The following ACOT11 variants were observed in gnomAD, a reference collection of about 807,000 sequenced individuals.
ACOT11 encodes acyl-coenzyme A thioesterase 11.
A neutral mutation model predicts 77.5 loss-of-function variants in ACOT11; 69 were observed. That is an observed-to-expected ratio of 0.89 (90% CI 0.73 to 1.09). The LOEUF (loss-of-function observed/expected upper bound fraction) is 1.09. Among genes scored for constraint, ACOT11 ranks in the 50% least tolerant of loss-of-function variants. The probability of loss-of-function intolerance (pLI) is 0.00; values close to 1 mark genes in which losing one functional copy is unlikely to be tolerated. For synonymous variants in ACOT11, 279 were observed against 313.0 expected, an observed-to-expected ratio of 0.89 and a Z score of 1.15; for missense variants, 766 against 813.7, an observed-to-expected ratio of 0.94 and a Z score of 0.71.
chr1:54,611,044 C>G, downstream of ACOT11: 1 of 981,340 alleles, frequency 1.0e-6, no homozygotes, highest in Non-Finnish European at 1.2e-6. Flanking sequence ...GGTTTCCTAC[C>G]TGCTGGGCCA....
intron 3 of ACOT11, among the ~76,000 whole-genome samples, chr1:54,588,567 G>T (rs796264777): frequency 2.0e-5 from 3 of 152,254 alleles, no homozygotes; most frequent in African/African-American, 7.2e-5. Context: ...TGTATGTCTG[G>T]GGGTAGGTGT....
intron 11 of ACOT11, 71 bp downstream of exon 11, chr1:54,604,008 C>G: frequency 6.9e-7 from 1 of 1,454,156 alleles, no homozygotes; most frequent in Non-Finnish European, 9.7e-7. Flanking sequence ...CTTGTCAGAA[C>G]GGGTTTGGAG....
intron 10 of ACOT11, 97 bp downstream of exon 10, chr1:54,602,821 G>A (rs997274829): frequency 2.7e-5 from 36 of 1,311,582 alleles, no homozygotes; most frequent in Middle Eastern, 1.9e-4. Flanking sequence ...CTGCCTGTGC[G>A]TTGGGCCCTG....
intron 6 of ACOT11, among the ~76,000 whole-genome samples, chr1:54,595,215 G>A (rs114380510): frequency 0.014 from 2,196 of 151,988 alleles, 40 homozygotes; most frequent in East Asian, 0.059. Context: ...GTGTAGTGGC[G>A]TGCACCTGTA....
intron 5 of ACOT11, among the ~76,000 whole-genome samples, chr1:54,594,285 G>A (rs1215277688): frequency 6.6e-6 from 1 of 152,006 alleles, no homozygotes; most frequent in Non-Finnish European, 1.5e-5. Context: ...TCACCATTCT[G>A]GTCTCACCAT....
chr1:54,610,340 C>T (rs572219475), downstream of ACOT11: 36 of 1,568,822 alleles, frequency 2.3e-5, no homozygotes, highest in Middle Eastern at 1.7e-4. Context: ...CAGAGACCGG[C>T]GGTACCTGCC....
intron 1 of ACOT11, among the ~76,000 whole-genome samples, chr1:54,575,832 G>C (rs1380016741): frequency 6.6e-6 from 1 of 152,200 alleles, no homozygotes; most frequent in Non-Finnish European, 1.5e-5. Context: ...GGAGTGGCAC[G>C]GGCAAAGGCC....
rs761715885 is a variant in ACOT11 at position 54,604,026 on chromosome 1, G to T, written c.1152+89G>T. 4.9e-6 allele frequency: 6 copies of T among 1,215,922 alleles called. No homozygotes were observed. In the South Asian group the frequency reaches 7.4e-5, roughly 15 times the overall value. The allele number at this position is 1,215,922 out of a possible 1,614,324, so 75.3% of individuals were successfully genotyped here. A position where few individuals can be genotyped will look rare whatever the true frequency, so the allele number is the denominator to read the frequency against. On this transcript the variant is annotated intron_variant, in intron 11 of 15. Coordinates refer to ENST00000343744, the MANE Select transcript of ACOT11 (RefSeq NM_147161.4). ...GTCAGAACGGGTTTGGAGGAAGGCC[G>T]GGGAGAGCAGGATATGAATGACACG...
chr1:54,587,550 CTTTTTTTTTT>C (rs33913350), intron 3 of ACOT11, among the ~76,000 whole-genome samples: 10 of 73,542 alleles, frequency 1.4e-4, no homozygotes, highest in African/African-American at 5.3e-4. Context: ...GTTTGTAATC[CTTTTTTTTTT>C]TTTTTTTTTT....
chr1:54,571,072 T>TCTCTC (rs574505216), intron 1 of ACOT11, among the ~76,000 whole-genome samples: 1 of 96,468 alleles, frequency 1.0e-5, no homozygotes, highest in African/African-American at 1.0e-4. Context: ...TCTCTCTCTC[T>TCTCTC]TTTTTTTTTT....
At position 54,609,089 on chromosome 1, in the gene ACOT11, G is replaced by A; in HGVS notation, c.1762G>A (p.Ala588Thr). The A allele has an allele frequency of 3.7e-6, 6 of 1,614,058 alleles. No homozygotes were observed. Among genetic ancestry groups the A allele is most frequent in the Non-Finnish European group, 5.1e-6 (6 of 1,180,008 alleles). The change falls in exon 16 of 16, where the codon GCC (alanine) becomes ACC (threonine). Residue 588 changes from alanine to threonine, a missense_variant. Physicochemically the swap from Ala to Thr is moderately conservative, Grantham distance 58. Coordinates refer to ENST00000343744, the MANE Select transcript of ACOT11 (RefSeq NM_147161.4). Reference sequence around the variant, plus strand: ...TCTCTTGGACAACCGGAATGATCTGGCCCCCAGCCTCCAGACCCTCTAGAT... The same window carrying A: ...TCTCTTGGACAACCGGAATGATCTGACCCCCAGCCTCCAGACCCTCTAGAT... ...QFLLDNRNDL[A>T]PSLQTL is the part of the protein sequence containing the mutation.
At chr1:54,562,557 C>G (rs1377085142) in intron 1 of ACOT11, among the ~76,000 whole-genome samples, 1 of 139,810 alleles carries the variant, frequency 7.2e-6, no homozygotes, top group African/African-American at 2.6e-5. Context: ...CCACCCCCCA[C>G]CTCCCTCCCG....
chr1:54,559,213 T>C (rs1434261167), intron 1 of ACOT11, among the ~76,000 whole-genome samples: 1 of 152,230 alleles, frequency 6.6e-6, no homozygotes, highest in Non-Finnish European at 1.5e-5. Context: ...GTGGCCTCAC[T>C]GTTACATGTG....
At chr1:54,623,484 C>T (rs1185979632) in intron 15 of ACOT11, 4 of 924,222 alleles carry the variant, frequency 4.3e-6, no homozygotes, top group African/African-American at 1.6e-5. Context: ...GAGGCAGGAG[C>T]TCCCAGCAGC....
intron 9 of ACOT11, 45 bp downstream of exon 9, chr1:54,601,458 TCC>T: frequency 6.3e-7 from 1 of 1,592,288 alleles, no homozygotes; most frequent in Non-Finnish European, 8.5e-7. Flanking sequence ...TCCCCTCCCC[TCC>T]CTCTCTGCCC....
downstream of ACOT11, chr1:54,614,788 C>G (rs938550550): frequency 1.2e-6 from 2 of 1,614,024 alleles, no homozygotes; most frequent in African/African-American, 2.7e-5. Context: ...ACTTTGCCTT[C>G]CTCTGTCAGC....
At chr1:54,586,631 G>A (rs1201245998) in intron 3 of ACOT11, among the ~76,000 whole-genome samples, 7 of 151,826 alleles carry the variant, frequency 4.6e-5, no homozygotes, top group South Asian at 2.1e-4. Flanking sequence ...ACGGGGTTTC[G>A]CCATGTTGGC....
downstream of ACOT11, chr1:54,611,578 C>CA (rs1557669467): frequency 1.2e-6 from 2 of 1,612,022 alleles, no homozygotes; most frequent in Non-Finnish European, 1.7e-6. Context: ...ATCCAGCCCA[C>CA]ACCACCCTTC....
intron 1 of ACOT11, among the ~76,000 whole-genome samples, chr1:54,554,467 T>TCAGC (rs1653193179): frequency 6.6e-6 from 1 of 150,778 alleles, no homozygotes; most frequent in African/African-American, 2.4e-5. Flanking sequence ...GCCTCCTGCC[T>TCAGC]CAGCCACCTG....
Sources: gnomAD v4.1 joint callset for allele counts (sites outside exome capture counted in the v4.1 genomes callset) on GRCh38, gnomAD v4.1.1 for gene constraint, MANE v1.5 for transcripts, NCBI Gene and HGNC (gene_info 2026-07-23, HGNC 2026-07-21) for gene names.